Variants in CDH18 observed in about 807,000 individuals in gnomAD.
CDH18 encodes the protein cadherin 18.
Under a neutral mutation model 67.9 loss-of-function variants are expected in CDH18, and 31 were observed. The ratio of observed to expected loss-of-function variants is 0.46; its 90% CI spans 0.34 to 0.62. The LOEUF (loss-of-function observed/expected upper bound fraction) is 0.62. CDH18 is among the 20% of genes least tolerant of loss of function. The pLI is 0.01. For missense variants in CDH18, 890 were observed against 975.5 expected (o/e 0.91, Z 1.17); for synonymous variants, 362 against 347.2 (o/e 1.04, Z -0.48).
intron 1 of CDH18, 87 bp from the exon 2 acceptor site, chr5:19,981,265 C>T (rs13165059): frequency 0.43 from 64,836 of 151,910 alleles, 16,136 homozygotes; most frequent in Middle Eastern, 0.64. Context: ...ACCATCCATA[C>T]TCTTGTAGGA....
intron 2 of CDH18, among the ~76,000 whole-genome samples, chr5:20,004,300 C>T (rs996557730): frequency 6.6e-6 from 1 of 152,178 alleles, no homozygotes; most frequent in African/African-American, 2.4e-5. Context: ...AAGAGTATTA[C>T]ATCAAGGTGA....
At chr5:19,560,325 CA>C (rs1423761825) in intron 8 of CDH18, among the ~76,000 whole-genome samples, 1 of 151,902 alleles carries the variant, frequency 6.6e-6, no homozygotes, top group African/African-American at 2.4e-5. Context: ...GCACATAGAC[CA>C]AAGGAACAAA....
intron 2 of CDH18, among the ~76,000 whole-genome samples, chr5:20,243,644 C>A (rs1465850131): frequency 1.3e-5 from 2 of 151,916 alleles, no homozygotes; most frequent in Non-Finnish European, 2.9e-5. Context: ...AAAAAGAGTC[C>A]TAGCCACCCA....
At chr5:19,670,583 T>C (rs1052939162) in intron 5 of CDH18, among the ~76,000 whole-genome samples, 2 of 152,144 alleles carry the variant, frequency 1.3e-5, no homozygotes, top group African/African-American at 4.8e-5. Context: ...AAAAAGCTCA[T>C]TCTAGCTTTG....
chr5:19,483,667 T>C (rs1031106384), intron 11 of CDH18, 115 bp from the exon 12 acceptor site: 3 of 1,112,940 alleles, frequency 2.7e-6, no homozygotes, highest in Non-Finnish European at 3.8e-6. Flanking sequence ...GTTTATGAAA[T>C]GGACAAGGGA....
At chr5:19,575,073 G>C (rs1742103460) in intron 7 of CDH18, among the ~76,000 whole-genome samples, 1 of 151,962 alleles carries the variant, frequency 6.6e-6, no homozygotes, top group South Asian at 2.1e-4. Flanking sequence ...CCATATCACT[G>C]ATGCTCATAC....
At chr5:19,833,251 A>G (rs1781257097) in intron 3 of CDH18, among the ~76,000 whole-genome samples, 1 of 152,044 alleles carries the variant, frequency 6.6e-6, no homozygotes, top group African/African-American at 2.4e-5. Context: ...ATCCCTTGTT[A>G]GCTGTATACC....
chr5:20,247,593 G>C (rs144165691), intron 2 of CDH18, among the ~76,000 whole-genome samples: 1 of 151,708 alleles, frequency 6.6e-6, no homozygotes, highest in Non-Finnish European at 1.5e-5. Context: ...GTGAAACCCC[G>C]TCTCTATTAA....
At chr5:20,077,136 GAAAGAGAAAAGCATGC>G (rs1392268075) in intron 2 of CDH18, among the ~76,000 whole-genome samples, 4 of 152,080 alleles carry the variant, frequency 2.6e-5, no homozygotes, top group Non-Finnish European at 4.4e-5. Context: ...AGGACTTTAT[GAAAGAGAAAAGCATGC>G]ATCTGCTGTT....
At chr5:19,547,471 A>C (rs2127110560) in intron 8 of CDH18, among the ~76,000 whole-genome samples, 1 of 152,316 alleles carries the variant, frequency 6.6e-6, no homozygotes, top group African/African-American at 2.4e-5. Flanking sequence ...TTTAGAAGTT[A>C]GATCACCTTA....
At chr5:19,994,721 A>G (rs867171063) in intron 2 of CDH18, among the ~76,000 whole-genome samples, 13 of 23,292 alleles carry the variant, frequency 5.6e-4, no homozygotes, top group East Asian at 1.3e-3. Flanking sequence ...ATATATATAT[A>G]TATATATATA....
At chr5:20,328,399 A>C (rs1020237155) in intron 1 of CDH18, among the ~76,000 whole-genome samples, 4 of 151,946 alleles carry the variant, frequency 2.6e-5, no homozygotes, top group Admixed American at 2.6e-4. Flanking sequence ...GTTGAGAGTA[A>C]AAGAGAGGAG....
At chr5:19,581,590 G>A (rs1046187487) in intron 7 of CDH18, among the ~76,000 whole-genome samples, 13 of 151,894 alleles carry the variant, frequency 8.6e-5, no homozygotes, top group Admixed American at 8.5e-4. Context: ...TAACTAATAA[G>A]AGAAGAGACT....
At chr5:20,354,793 G>C (rs1235239436) in intron 1 of CDH18, among the ~76,000 whole-genome samples, 1 of 152,188 alleles carries the variant, frequency 6.6e-6, no homozygotes, top group Non-Finnish European at 1.5e-5. Flanking sequence ...TCATACTGTT[G>C]AAAGGACAAT....
chr5:20,248,869 G>A (rs1743589955), intron 2 of CDH18, among the ~76,000 whole-genome samples: 1 of 152,122 alleles, frequency 6.6e-6, no homozygotes, highest in African/African-American at 2.4e-5. Context: ...GTAATTTTGA[G>A]GAGTAAATGA....
intron 3 of CDH18, among the ~76,000 whole-genome samples, chr5:19,835,921 C>T (rs1304242914): frequency 1.3e-5 from 2 of 152,136 alleles, no homozygotes; most frequent in African/African-American, 2.4e-5. Context: ...AAACCTCCAT[C>T]GCCTCCTGAT....
rs1472889541 is a variant in CDH18, at chr5:19,930,811, A to T, written c.-257+50249T>A. ...TTTAAAGATGATCATGTCTTCATTT[A>T]CAAAGGAAGACAAATTAAAAAATCA... On this transcript the variant is annotated intron_variant, in intron 2 of 12. Coordinates refer to ENST00000382275, the MANE Select transcript of CDH18 (RefSeq NM_004934.5). 3.3e-5 allele frequency among the ~76,000 whole-genome samples: 5 copies of T among 152,174 alleles called. No individual in the cohort carries two copies. In the East Asian group the frequency reaches 9.7e-4, roughly 29 times the overall value.
At chr5:20,304,613 A>G (rs1446039759) in intron 1 of CDH18, 2 of 1,611,982 alleles carry the variant, frequency 1.2e-6, no homozygotes, top group Non-Finnish European at 1.7e-6. Context: ...CCCAAAACAG[A>G]GCTATCAACT....
chr5:20,561,708 T>C (rs1357223350), intron 1 of CDH18, among the ~76,000 whole-genome samples: 1 of 151,914 alleles, frequency 6.6e-6, no homozygotes, highest in Non-Finnish European at 1.5e-5. Context: ...GCACATAGCA[T>C]GTACAGCACT....
Sources: gnomAD v4.1 joint callset for allele counts (sites outside exome capture counted in the v4.1 genomes callset) on GRCh38, gnomAD v4.1.1 for gene constraint, MANE v1.5 for transcripts, NCBI Gene and HGNC (gene_info 2026-07-23, HGNC 2026-07-21) for gene names.